GNAL: variants seen among roughly 807,000 people sequenced by gnomAD.
The protein encoded by GNAL is G protein subunit alpha L.
A neutral mutation model predicts 55.1 loss-of-function variants in GNAL; 18 were observed. The observed-to-expected ratio is 0.33, with a 90% CI of 0.23 to 0.48. GNAL has a LOEUF of 0.48. Among genes scored for constraint, GNAL ranks in the 20% least tolerant of loss-of-function variants. GNAL has a pLI of 0.99. For missense variants in GNAL, 412 were observed against 614.1 expected, an observed-to-expected ratio of 0.67 and a Z score of 3.48; for synonymous variants, 253 against 237.0, an observed-to-expected ratio of 1.07 and a Z score of -0.62.
At chr18:11,764,103 T>G (rs2033330591) in intron 4 of GNAL, among the ~76,000 whole-genome samples, 1 of 151,056 alleles carries the variant, frequency 6.6e-6, no homozygotes. Context: ...TATCCTGTTT[T>G]TTTGTTTTTT....
chr18:11,710,361 G>A (rs1598405906), intron 1 of GNAL, among the ~76,000 whole-genome samples: 1 of 152,098 alleles, frequency 6.6e-6, no homozygotes, highest in South Asian at 2.1e-4. Context: ...TTTATGTTGT[G>A]TATCCATTAA....
At chr18:11,729,829 G>A (rs1014161763) in intron 1 of GNAL, among the ~76,000 whole-genome samples, 1 of 152,134 alleles carries the variant, frequency 6.6e-6, no homozygotes, top group African/African-American at 2.4e-5. Flanking sequence ...AAGTCGCCCC[G>A]AGGCAGTTGG....
At chr18:11,851,324 C>T (rs1567891759) in intron 5 of GNAL, 1 of 680,310 alleles carries the variant, frequency 1.5e-6, no homozygotes, top group East Asian at 3.0e-5. Context: ...GGCCCCACCC[C>T]GGCGCCTTCC....
chr18:11,873,548 A>AG (rs2036448103), intron 10 of GNAL, among the ~76,000 whole-genome samples: 1 of 152,242 alleles, frequency 6.6e-6, no homozygotes, highest in South Asian at 2.1e-4. Flanking sequence ...AGCCACCAGC[A>AG]GTCTCCGCAC....
rs1348464916 is a variant in GNAL, at chr18:11,883,303, A to ACTGT, written c.*2170_*2173dup. On this transcript the variant is annotated 3_prime_UTR_variant, in exon 12 of 12. Transcript: ENST00000334049. Reference sequence around the variant, plus strand: ...GGAAATTATTTTCAGTTCCCCTTGCACTGTCAAAGTAAAACAAGAAAACTG... The same window carrying ACTGT: ...GGAAATTATTTTCAGTTCCCCTTGCACTGTCTGTCAAAGTAAAACAAGAAAACTG... The ACTGT allele has an allele frequency of 6.6e-6, 1 of 152,436 alleles. No individual in the cohort carries two copies. The highest frequency in any genetic ancestry group is 1.9e-4 in the East Asian group (1 of 5,202). The allele number at this position is 152,436 out of a possible 1,614,324, so 9.4% of individuals were successfully genotyped here. A position where few individuals can be genotyped will look rare whatever the true frequency, so the allele number is the denominator to read the frequency against.
intron 4 of GNAL, among the ~76,000 whole-genome samples, chr18:11,803,321 C>T (rs557157462): frequency 6.6e-6 from 1 of 152,188 alleles, no homozygotes; most frequent in African/African-American, 2.4e-5. Flanking sequence ...ATCCAGTATT[C>T]GTCCTTCTGT....
At chr18:11,794,759 T>TA (rs775143875) in intron 4 of GNAL, among the ~76,000 whole-genome samples, 4,458 of 90,150 alleles carry the variant, frequency 0.049, 137 homozygotes, top group African/African-American at 0.089. Flanking sequence ...ACACACAGGT[T>TA]AAAAAAAAAA....
At chr18:11,737,160 C>T (rs1024306116) in intron 1 of GNAL, among the ~76,000 whole-genome samples, 2 of 152,118 alleles carry the variant, frequency 1.3e-5, no homozygotes, top group African/African-American at 4.8e-5. Context: ...TACAAGCATC[C>T]AATGTGTAAC....
intron 4 of GNAL, among the ~76,000 whole-genome samples, chr18:11,773,407 C>T (rs1404759815): frequency 6.6e-6 from 1 of 152,116 alleles, no homozygotes. Context: ...ATGGTCCCCA[C>T]GGTAGGCTTG....
chr18:11,867,320 TA>T, intron 8 of GNAL, 94 bp downstream of exon 8: 1 of 792,564 alleles, frequency 1.3e-6, no homozygotes, highest in South Asian at 1.4e-5. Context: ...AATCTCTAAC[TA>T]ATATGTAAAG....
At chr18:11,875,311 T>C (rs370812559) in intron 10 of GNAL, among the ~76,000 whole-genome samples, 2 of 152,064 alleles carry the variant, frequency 1.3e-5, no homozygotes, top group East Asian at 1.9e-4. Flanking sequence ...GGCAGGTCAG[T>C]AGGATTTCTC....
rs186968462 is a variant in GNAL, at chr18:11,766,791, T to C, written c.624+12846T>C. On this transcript the variant is annotated intron_variant, in intron 4 of 11. Transcript: ENST00000334049. The stretch of plus-strand genomic sequence containing the variant: ...ATTTTATTAGACAACCATGAAATAC[T>C]GGTGTTTTAAAGCGTAGAAGCTGCA... 1.7e-3 allele frequency among the ~76,000 whole-genome samples: 256 copies of C among 152,296 alleles called. 1 individual carries two copies. The highest frequency in any genetic ancestry group is 3.4e-3 in the Middle Eastern group (1 of 294).
At chr18:11,701,144 T>C (rs1182667377) in intron 1 of GNAL, among the ~76,000 whole-genome samples, 1 of 152,092 alleles carries the variant, frequency 6.6e-6, no homozygotes, top group Non-Finnish European at 1.5e-5. Context: ...CGGAGATAAA[T>C]GGCAACAGTG....
At chr18:11,851,733 A>C (rs1347780323) in intron 5 of GNAL, 2 of 1,613,912 alleles carry the variant, frequency 1.2e-6, no homozygotes, top group East Asian at 2.2e-5. Flanking sequence ...GAGTCGATGC[A>C]GTGGCTGCCA....
In GNAL at chr18:11,786,411, G is replaced by A. The variant is rs144606125; in HGVS notation, c.624+32466G>A. ...CTTTTACACGTGGCTGAAGAAGCGTGGTGGGATAGATCTTCATACGTTTTC... is the reference window on the plus strand; with the variant it reads ...CTTTTACACGTGGCTGAAGAAGCGTAGTGGGATAGATCTTCATACGTTTTC... On this transcript the variant is annotated intron_variant, in intron 4 of 11. Transcript: ENST00000334049. Among the ~76,000 whole-genome samples the A allele has an allele frequency of 1.1e-4, 16 of 148,506 alleles. No homozygotes were observed. The East Asian group carries it at 3.1e-3, about 29-fold the overall frequency.
rs977239564 is a variant in GNAL, at chr18:11,881,251, G to T, written c.*116G>T. On this transcript the variant is annotated 3_prime_UTR_variant, in exon 12 of 12. Coordinates refer to ENST00000334049, the MANE Select transcript of GNAL (RefSeq NM_182978.4). This position sits in a 1 kb window ranked among gnomAD's most constrained non-coding sequence, Gnocchi z 4.8. ...ATCTCGCTGCCGTCTGTCCCGTTCTGTGTCGACCACCAAGCCTCTGGCTAC... is the reference window on the plus strand; with the variant it reads ...ATCTCGCTGCCGTCTGTCCCGTTCTTTGTCGACCACCAAGCCTCTGGCTAC... The T allele has an allele frequency of 2.2e-5, 23 of 1,063,946 alleles. No individual in the cohort carries two copies. In the African/African-American group the frequency reaches 3.3e-4, roughly 15 times the overall value. The allele number at this position is 1,063,946 out of a possible 1,614,324, so 65.9% of individuals were successfully genotyped here.
intron 8 of GNAL, among the ~76,000 whole-genome samples, chr18:11,867,537 G>T (rs535042326): frequency 6.6e-6 from 1 of 152,132 alleles, no homozygotes; most frequent in South Asian, 2.1e-4. Context: ...AAATTAGGCC[G>T]GGCGTGGTGG....
At chr18:11,807,697 C>G (rs1212066308) in intron 4 of GNAL, among the ~76,000 whole-genome samples, 1 of 152,164 alleles carries the variant, frequency 6.6e-6, no homozygotes, top group African/African-American at 2.4e-5. Flanking sequence ...TTTGGAGTCA[C>G]TAGTATATTC....
chr18:11,868,231 C>T lies in GNAL; in HGVS notation c.911-312C>T, dbSNP rs542328076. Reference sequence around the variant, plus strand: ...AGGAGAATCACTTGAACCTGGGAGGCGGAAGTTGCAGTGAGCCAAGATCAT... The same window carrying T: ...AGGAGAATCACTTGAACCTGGGAGGTGGAAGTTGCAGTGAGCCAAGATCAT... On this transcript the variant is annotated intron_variant, in intron 8 of 11. Transcript: ENST00000334049. The surrounding 1 kb of genome is among the most constrained non-coding windows in gnomAD (Gnocchi z 4.0). 1.1e-4 allele frequency among the ~76,000 whole-genome samples: 16 copies of T among 151,826 alleles called. No homozygotes were observed. In the East Asian group the frequency reaches 2.9e-3, roughly 28 times the overall value.
Sources: allele counts gnomAD v4.1 joint callset (sites outside exome capture counted in the v4.1 genomes callset), GRCh38; gene constraint gnomAD v4.1.1; non-coding constraint Gnocchi (gnomAD v3.1); transcripts MANE v1.5; gene names NCBI Gene and HGNC (gene_info 2026-07-23, HGNC 2026-07-21).